PLXNC1: variants seen among roughly 807,000 people sequenced by gnomAD.
PLXNC1 encodes plexin C1, also known as plexin-C1.
PLXNC1 carries 75 observed loss-of-function variants against 178.2 expected under a neutral mutation model. That is an observed-to-expected ratio of 0.42 (90% CI 0.35 to 0.51). The LOEUF is 0.51. Ranked by LOEUF, PLXNC1 falls within the 20% of genes least tolerant of loss-of-function variation. The pLI, the probability that PLXNC1 is intolerant of heterozygous loss-of-function variation, is 0.02. For missense variants in PLXNC1, 1,503 were observed against 1,984.4 expected (o/e 0.76, Z 4.61); for synonymous variants, 790 against 779.9 (o/e 1.01, Z -0.22).
intron 9 of PLXNC1, 25 bp downstream of exon 9, chr12:94,227,260 G>A (rs746704315): frequency 7.0e-6 from 10 of 1,432,304 alleles, no homozygotes; most frequent in Non-Finnish European, 9.9e-6. Flanking sequence ...TTGTGTGGTT[G>A]AGGGGAAAAC....
intron 2 of PLXNC1, among the ~76,000 whole-genome samples, chr12:94,179,381 C>T (rs567963489): frequency 6.6e-6 from 1 of 152,244 alleles, no homozygotes; most frequent in South Asian, 2.1e-4. Flanking sequence ...CTTCACTTTT[C>T]AAAGTAGTGG....
chr12:94,189,363 G>A (rs1010886212), intron 4 of PLXNC1, among the ~76,000 whole-genome samples: 3 of 152,148 alleles, frequency 2.0e-5, no homozygotes, highest in African/African-American at 7.2e-5. Flanking sequence ...CAGGGTCTGT[G>A]TTGGAAGTTC....
In PLXNC1 at chr12:94,224,321, A is replaced by T; in HGVS notation, c.1790+6A>T. On this transcript the variant is annotated splice_donor_region_variant and intron_variant, in intron 7 of 30. Transcript: ENST00000258526. ...AACTGCTCATCATTAAAAGAGTAAG[A>T]TTTTATTTGAAATTTGAATATTCTC... is the stretch of plus-strand genomic sequence containing the variant. 1 of 1,384,682 alleles carries T rather than the reference A, an allele frequency of 7.2e-7. No homozygotes were observed. The highest frequency in any genetic ancestry group is 1.0e-6 in the Non-Finnish European group (1 of 971,126). The allele number at this position is 1,384,682 out of a possible 1,614,324, so 85.8% of individuals were successfully genotyped here.
chr12:94,268,677 C>G (rs1038671057), intron 21 of PLXNC1, among the ~76,000 whole-genome samples: 1 of 147,918 alleles, frequency 6.8e-6, no homozygotes, highest in Non-Finnish European at 1.5e-5. Flanking sequence ...TCACTGCAAC[C>G]TCCGCCTCTG....
rs1193437749 is a variant in PLXNC1 at position 94,224,310 on chromosome 12, A to G, written c.1785A>G (p.Leu595=). 2 of 1,472,480 alleles carry G rather than the reference A, an allele frequency of 1.4e-6. No homozygotes were observed. Among genetic ancestry groups the G allele is most frequent in the African/African-American group, 2.8e-5 (2 of 72,146 alleles). The allele number at this position is 1,472,480 out of a possible 1,614,324, so 91.2% of individuals were successfully genotyped here. Residue 595 remains leucine, a synonymous_variant, in exon 7 of 31, where the codon TTA becomes TTG. Coordinates refer to ENST00000258526, the MANE Select transcript of PLXNC1 (RefSeq NM_005761.3). ...TCAACTTTACCAACTGCTCATCATT[A>G]AAAGAGTAAGATTTTATTTGAAATT... The part of the protein sequence containing the change: ...DRFNFTNCSS[L]KECPACVETG...
chr12:94,185,665 G>T (rs1962481507), intron 3 of PLXNC1, among the ~76,000 whole-genome samples: 1 of 152,206 alleles, frequency 6.6e-6, no homozygotes, highest in South Asian at 2.1e-4. Context: ...TCCACTGGAG[G>T]GGTGTGAGCA....
intron 27 of PLXNC1, among the ~76,000 whole-genome samples, chr12:94,299,628 C>CGCGA (rs1406631138): frequency 6.6e-6 from 1 of 151,734 alleles, no homozygotes; most frequent in African/African-American, 2.4e-5. Flanking sequence ...GGTGGGATCT[C>CGCGA]GGTTCACTGC....
chr12:94,247,825 T>C (rs1964573154), intron 12 of PLXNC1, 78 bp from the exon 13 acceptor site: 1 of 1,298,604 alleles, frequency 7.7e-7, no homozygotes, highest in South Asian at 1.3e-5. Flanking sequence ...GTTAAGTTGC[T>C]CAGGTCACTT....
At chr12:94,304,431 A>C (rs1968794176) in intron 30 of PLXNC1, 1 of 166,116 alleles carries the variant, frequency 6.0e-6, no homozygotes, top group African/African-American at 2.4e-5. Context: ...TTCAATCGTT[A>C]TATGAAATTA....
intron 3 of PLXNC1, among the ~76,000 whole-genome samples, chr12:94,182,292 C>T (rs1962336532): frequency 6.6e-6 from 1 of 151,830 alleles, no homozygotes; most frequent in African/African-American, 2.4e-5. Context: ...GTGGCTCATG[C>T]CTGTCACCCC....
chr12:94,234,821 A>G (rs1964198117), intron 9 of PLXNC1, among the ~76,000 whole-genome samples: 1 of 152,242 alleles, frequency 6.6e-6, no homozygotes, highest in South Asian at 2.1e-4. Context: ...TGAAAATACA[A>G]AAATTGATCT....
Position 94,237,766 on chromosome 12 carries a change from A to G in PLXNC1, c.2083A>G (p.Met695Val), listed in dbSNP as rs1249850889. The G allele has an allele frequency of 2.5e-6, 4 of 1,614,048 alleles. No homozygotes were observed. The highest frequency in any genetic ancestry group is 1.1e-5 in the South Asian group (1 of 91,082). ...CTTTACCCGGGCATCGAACATCACA[A>G]TGATCCTGAAAGGAACCAGTACCTG... ...ANFTRASNIT[M>V]ILKGTSTCDK... is the part of the protein sequence containing the mutation. The change falls in exon 10 of 31, where the codon ATG (methionine) becomes GTG (valine). Residue 695 changes from methionine (M) to valine (V), a missense_variant. By Grantham distance (21) the Met-to-Val change is conservative. This residue lies in a region of PLXNC1 where 615 missense variants were observed against 698.6 expected (regional missense o/e 0.88). Transcript: ENST00000258526.
chr12:94,297,648 G>C (rs928547757), intron 26 of PLXNC1, among the ~76,000 whole-genome samples: 18 of 152,100 alleles, frequency 1.2e-4, no homozygotes, highest in Non-Finnish European at 2.2e-4. Context: ...TTCAGTCAGG[G>C]ATTTAATATT....
chr12:94,212,384 G>C (rs1019536559), intron 5 of PLXNC1, among the ~76,000 whole-genome samples: 12 of 151,064 alleles, frequency 7.9e-5, no homozygotes, highest in Non-Finnish European at 1.6e-4. Context: ...GTGCAGTTTT[G>C]TTACATAGGT....
chr12:94,260,942 G>T lies in PLXNC1; in HGVS notation c.3450+102G>T. 1 of 954,824 alleles carries T rather than the reference G, an allele frequency of 1.0e-6. No individual in the cohort carries two copies. The highest frequency in any genetic ancestry group is 1.6e-6 in the Non-Finnish European group (1 of 609,386). 59.1% of individuals were successfully genotyped at this position (954,824 alleles called of 1,614,324 possible). The stretch of plus-strand genomic sequence containing the variant: ...CAGGATAAATCCTGAATGCTCGATG[G>T]TGTCAGCACTTAACCATGTTTCGTC... On this transcript the variant is annotated intron_variant, in intron 20 of 30. Coordinates refer to ENST00000258526, the MANE Select transcript of PLXNC1 (RefSeq NM_005761.3). The surrounding 1 kb of genome is among the most constrained non-coding windows in gnomAD (Gnocchi z 4.4).
rs17022254 is a variant in PLXNC1 at position 94,224,520 on chromosome 12, C to T, written c.1790+205C>T. On this transcript the variant is annotated intron_variant, in intron 7 of 30. Coordinates refer to ENST00000258526, the MANE Select transcript of PLXNC1 (RefSeq NM_005761.3). ...AGCCCTGACTAGTAAGCTGGCGCTG[C>T]GAGGGAGAGAAATCCCCTGTGCTTA... Among the ~76,000 whole-genome samples the T allele has an allele frequency of 0.25, 38,442 of 151,966 alleles. 5,435 individuals are homozygous for T. The highest frequency in any genetic ancestry group is 0.37 in the African/African-American group (15,370 of 41,372).
At position 94,169,985 on chromosome 12, in the gene PLXNC1, G is replaced by A. The variant is rs148119683; in HGVS notation, c.1203+692G>A. Among the ~76,000 whole-genome samples the A allele has an allele frequency of 6.0e-4, 92 of 152,260 alleles. 1 individual carries two copies. The highest frequency in any genetic ancestry group is 2.0e-3 in the African/African-American group (82 of 41,548). On this transcript the variant is annotated intron_variant, in intron 2 of 30. Coordinates refer to ENST00000258526, the MANE Select transcript of PLXNC1 (RefSeq NM_005761.3). ...AATGACTTGTCTGAAGTTATCTAGC[G>A]TTCATCTTATCAATGTCATCAGCAA... is the stretch of plus-strand genomic sequence containing the variant.
At chr12:94,204,548 G>T (rs1278763121) in intron 4 of PLXNC1, among the ~76,000 whole-genome samples, 1 of 152,160 alleles carries the variant, frequency 6.6e-6, no homozygotes, top group Non-Finnish European at 1.5e-5. Context: ...AGTTATTTTG[G>T]TCTTATGTTT....
At chr12:94,227,567 A>G (rs903676968) in intron 9 of PLXNC1, 3 of 241,624 alleles carry the variant, frequency 1.2e-5, no homozygotes, top group African/African-American at 6.8e-5. Context: ...CTTGCACTTT[A>G]TATAATTGCG....
Sources: gnomAD v4.1 joint callset for allele counts (sites outside exome capture counted in the v4.1 genomes callset) on GRCh38, gnomAD v4.1.1 for gene constraint, gnomAD v4.1.1 regional missense constraint, Gnocchi (gnomAD v3.1) non-coding constraint, MANE v1.5 for transcripts, NCBI Gene and HGNC (gene_info 2026-07-23, HGNC 2026-07-21) for gene names.